CHD9: variants seen among roughly 807,000 people sequenced by gnomAD.
The protein encoded by CHD9 is chromodomain helicase DNA binding protein 9, also known as ATP-dependent chromatin remodeler CHD9.
CHD9 carries 77 observed loss-of-function variants against 316.1 expected under a neutral mutation model. The ratio of observed to expected loss-of-function variants is 0.24; its 90% CI spans 0.20 to 0.29. The LOEUF is 0.29. Ranked by LOEUF, CHD9 falls within the 10% of genes least tolerant of loss-of-function variation. The probability of loss-of-function intolerance (pLI) is 1.00; values close to 1 mark genes in which losing one functional copy is unlikely to be tolerated. For missense variants in CHD9, 2,763 were observed against 3,438.1 expected, an observed-to-expected ratio of 0.80 and a Z score of 4.91; for synonymous variants, 1,129 against 1,158.3, an observed-to-expected ratio of 0.97 and a Z score of 0.51.
intron 1 of CHD9, among the ~76,000 whole-genome samples, chr16:53,114,192 T>C (rs2152627336): frequency 6.6e-6 from 1 of 152,346 alleles, no homozygotes; most frequent in East Asian, 1.9e-4. Flanking sequence ...CTATTTGGTC[T>C]AATTTCTTCC....
intron 29 of CHD9, among the ~76,000 whole-genome samples, chr16:53,293,898 G>GT (rs970307369): frequency 3.3e-4 from 50 of 151,856 alleles, no homozygotes; most frequent in African/African-American, 1.2e-3. Flanking sequence ...CAGTGAGCCA[G>GT]TATCATACCA....
At chr16:53,168,498 A>C (rs2042435110) in intron 2 of CHD9, 1 of 152,160 alleles carries the variant, frequency 6.6e-6, no homozygotes, top group African/African-American at 2.4e-5. Context: ...TTGAGAGGGA[A>C]AGTAACCTCT....
chr16:53,255,646 G>T lies in CHD9; in HGVS notation c.4076G>T (p.Gly1359Val). The change falls in exon 19 of 39, where the codon GGT becomes GTT. Residue 1359 changes from glycine (G) to valine (V), a missense_variant. Coordinates refer to ENST00000447540, the MANE Select transcript of CHD9 (RefSeq NM_001308319.2). ...GAAATAGAAGATCTGCTTCGAAGAG[G>T]TGCTTATGGTGCTATTATGGAGGAA... ...KKEIEDLLRR[G>V]AYGAIMEEED... 1 of 1,613,828 alleles carries T rather than the reference G, an allele frequency of 6.2e-7. No homozygotes were observed.
At chr16:53,292,686 A>G in intron 28 of CHD9, 147 bp from the exon 29 acceptor site, 1 of 640,358 alleles carries the variant, frequency 1.6e-6, no homozygotes. Context: ...TCTTATAGCT[A>G]TTGTTAAAAG....
intron 1 of CHD9, among the ~76,000 whole-genome samples, chr16:53,087,694 T>G (rs756789100): frequency 3.9e-5 from 6 of 152,178 alleles, no homozygotes; most frequent in Non-Finnish European, 8.8e-5. Flanking sequence ...ATGCCTGTAA[T>G]CCCAGCACTT....
At chr16:53,251,050 A>G (rs2050086479) in intron 17 of CHD9, among the ~76,000 whole-genome samples, 1 of 152,222 alleles carries the variant, frequency 6.6e-6, no homozygotes, top group Non-Finnish European at 1.5e-5. Flanking sequence ...AAATATCAAA[A>G]GATTATCCAA....
At position 53,156,476 on chromosome 16, in the gene CHD9, A is replaced by C. The variant is rs199830364; in HGVS notation, c.387A>C (p.Thr129=). 1 of 1,613,994 alleles carries C rather than the reference A, an allele frequency of 6.2e-7. No homozygotes were observed. The highest frequency in any genetic ancestry group is 8.5e-7 in the Non-Finnish European group (1 of 1,179,884). The change falls in exon 2 of 39, where the codon ACA becomes ACC. Residue 129 remains threonine, a synonymous_variant. Transcript: ENST00000447540. Reference sequence around the variant, plus strand: ...GCAGTCCAATGTGGGGCCATCAGACAGCTACTACCATTTCAAATCAAAATG... The same window carrying C: ...GCAGTCCAATGTGGGGCCATCAGACCGCTACTACCATTTCAAATCAAAATG... ...SDGSPMWGHQ[T]ATTISNQNGS...
chr16:53,248,485 A>AT (rs565153300), intron 16 of CHD9, among the ~76,000 whole-genome samples: 43 of 120,696 alleles, frequency 3.6e-4, no homozygotes, highest in Non-Finnish European at 5.9e-4. Flanking sequence ...TTTTTATTTT[A>AT]TTTTTTTTTG....
In CHD9 at chr16:53,120,488, C is replaced by T. The variant is rs535260424; in HGVS notation, c.-164-35438C>T. Among the ~76,000 whole-genome samples, 41 of 152,280 alleles carry T rather than the reference C, an allele frequency of 2.7e-4. No individual in the cohort carries two copies. In the South Asian group the frequency reaches 5.8e-3, roughly 22 times the overall value. ...ATTAGCCGGGTGTGGTGGCGCATGCCTGTAATCCCAGCTACTAAGGAGGCT... is the reference window on the plus strand; with the variant it reads ...ATTAGCCGGGTGTGGTGGCGCATGCTTGTAATCCCAGCTACTAAGGAGGCT... On this transcript the variant is annotated intron_variant, in intron 1 of 38. Transcript: ENST00000447540.
chr16:53,325,036 CAG>C lies in CHD9; in HGVS notation c.*145_*146del. 1 of 660,184 alleles carries C rather than the reference CAG, an allele frequency of 1.5e-6. No homozygotes were observed. The highest frequency in any genetic ancestry group is 3.4e-5 in the Admixed American group (1 of 29,722). The allele number at this position is 660,184 out of a possible 1,614,324, so 40.9% of individuals were successfully genotyped here. ...TTTGTTTAGAAGTGCAAACTGCTTT[CAG>C]AGACTTTTTGCATGTAATATTTCTT... On this transcript the variant is annotated 3_prime_UTR_variant, in exon 39 of 39. Coordinates refer to ENST00000447540, the MANE Select transcript of CHD9 (RefSeq NM_001308319.2).
At chr16:53,240,062 G>C (rs753277389) in intron 12 of CHD9, among the ~76,000 whole-genome samples, 1 of 152,048 alleles carries the variant, frequency 6.6e-6, no homozygotes, top group Non-Finnish European at 1.5e-5. Context: ...TTGCAGGAGT[G>C]CATTTCCACA....
At chr16:53,231,283 T>C in intron 8 of CHD9, 136 bp from the exon 9 acceptor site, 1 of 540,090 alleles carries the variant, frequency 1.9e-6, no homozygotes, top group South Asian at 2.9e-5. Flanking sequence ...GAAATGAAAA[T>C]GGAAGAATTC....
At chr16:53,163,186 G>A (rs748150886) in intron 2 of CHD9, among the ~76,000 whole-genome samples, 6 of 151,838 alleles carry the variant, frequency 4.0e-5, no homozygotes, top group African/African-American at 9.7e-5. Flanking sequence ...TTGTCCTTTT[G>A]CCATTTCCCA....
chr16:53,086,522 C>T (rs1480649623), intron 1 of CHD9, among the ~76,000 whole-genome samples: 1 of 152,142 alleles, frequency 6.6e-6, no homozygotes, highest in East Asian at 1.9e-4. Flanking sequence ...AGGCAGGAGA[C>T]ATTGGAAGGT....
chr16:53,309,525 TG>T (rs2056281362), intron 34 of CHD9, among the ~76,000 whole-genome samples: 1 of 152,250 alleles, frequency 6.6e-6, no homozygotes, highest in Admixed American at 6.5e-5. Flanking sequence ...TCTAATCTTT[TG>T]GCAGTTTGAA....
intron 2 of CHD9, chr16:53,208,494 T>TG: frequency 8.7e-7 from 1 of 1,149,234 alleles, no homozygotes; most frequent in Non-Finnish European, 1.1e-6. Flanking sequence ...TCCTCGAGTC[T>TG]TGGTTATTTG....
chr16:53,314,288 A>G (rs2056714819), intron 34 of CHD9, 89 bp from the exon 35 acceptor site: 1 of 894,744 alleles, frequency 1.1e-6, no homozygotes, highest in Non-Finnish European at 1.6e-6. Context: ...AATAAGAACT[A>G]ACACTTTCAT....
intron 12 of CHD9, 84 bp downstream of exon 12, chr16:53,238,670 A>G: frequency 7.2e-7 from 1 of 1,379,986 alleles, no homozygotes; most frequent in Non-Finnish European, 1.0e-6. Context: ...TTTCAAATTT[A>G]GGATACATTT....
intron 1 of CHD9, among the ~76,000 whole-genome samples, chr16:53,108,758 C>A (rs888867470): frequency 2.0e-5 from 3 of 151,440 alleles, no homozygotes; most frequent in African/African-American, 7.3e-5. Flanking sequence ...GCCTGTAATC[C>A]CAGCTACTTG....
Sources: allele counts gnomAD v4.1 joint callset (sites outside exome capture counted in the v4.1 genomes callset), GRCh38; gene constraint gnomAD v4.1.1; transcripts MANE v1.5; gene names NCBI Gene and HGNC (gene_info 2026-07-23, HGNC 2026-07-21).